The following RIMKLB variants were observed in gnomAD, a reference collection of about 807,000 sequenced individuals.
RIMKLB encodes the protein beta-citrylglutamate synthase B.
In RIMKLB, 7 loss-of-function variants were observed where a neutral mutation model predicts 32.0. The ratio of observed to expected loss-of-function variants is 0.22; its 90% CI spans 0.12 to 0.41. The LOEUF is 0.41. Among genes scored for constraint, RIMKLB ranks in the 10% least tolerant of loss-of-function variants. The probability of loss-of-function intolerance (pLI) is 1.00; values close to 1 mark genes in which losing one functional copy is unlikely to be tolerated. For missense variants in RIMKLB, 289 were observed against 498.7 expected (o/e 0.58, Z 4.00); for synonymous variants, 172 against 185.1 (o/e 0.93, Z 0.57).
chr12:8,709,987 T>G (rs1176111337), intron 1 of RIMKLB, among the ~76,000 whole-genome samples: 1 of 151,956 alleles, frequency 6.6e-6, no homozygotes. Context: ...AAAAATGTGG[T>G]TTTTGTTTTG....
In RIMKLB at chr12:8,773,475, C is replaced by T. The variant is rs1191789121; in HGVS notation, c.852C>T (p.Phe284=). Reference sequence around the variant, plus strand: ...GTGAGGCCAATGCAAATGTAGGTTTCATCGCCTTTGATAAGGCTTGTAATC... The same window carrying T: ...GTGAGGCCAATGCAAATGTAGGTTTTATCGCCTTTGATAAGGCTTGTAATC... ...CVCEANANVG[F]IAFDKACNLD... Residue 284 remains phenylalanine (F), a synonymous_variant, in exon 6 of 6, where the codon TTC becomes TTT. Coordinates refer to ENST00000535829, the MANE Select transcript of RIMKLB (RefSeq NM_001297776.2). The T allele has an allele frequency of 6.2e-7, 1 of 1,614,248 alleles. No individual in the cohort carries two copies.
At chr12:8,716,749 T>TTTTTTTG (rs1944892002) in intron 2 of RIMKLB, among the ~76,000 whole-genome samples, 1 of 140,128 alleles carries the variant, frequency 7.1e-6, no homozygotes, top group Non-Finnish European at 1.5e-5. Flanking sequence ...TTTTTTTTTT[T>TTTTTTTG]ACTTTGAGAC....
intron 1 of RIMKLB, among the ~76,000 whole-genome samples, chr12:8,683,999 C>G (rs991584475): frequency 6.6e-6 from 1 of 152,184 alleles, no homozygotes; most frequent in East Asian, 1.9e-4. Flanking sequence ...CCACCCCCCT[C>G]GGCTTCCCAA....
chr12:8,683,334 C>T (rs1942469065), intron 1 of RIMKLB, among the ~76,000 whole-genome samples: 1 of 152,096 alleles, frequency 6.6e-6, no homozygotes, highest in African/African-American at 2.4e-5. Flanking sequence ...AAGAAACCAC[C>T]AATCTGTCTT....
chr12:8,680,624 G>A (rs1270729499), upstream of RIMKLB, among the ~76,000 whole-genome samples: 3 of 152,080 alleles, frequency 2.0e-5, no homozygotes, highest in African/African-American at 4.8e-5. Flanking sequence ...TCTTTCTTGC[G>A]CGAGATCCAA....
intron 2 of RIMKLB, among the ~76,000 whole-genome samples, chr12:8,747,363 G>T (rs181705849): frequency 1.2e-3 from 177 of 152,146 alleles, no homozygotes; most frequent in African/African-American, 4.1e-3. Context: ...TTTATGCTCT[G>T]CCTTACATTT....
intron 1 of RIMKLB, among the ~76,000 whole-genome samples, chr12:8,705,653 A>C (rs965956782): frequency 4.6e-5 from 7 of 152,210 alleles, no homozygotes; most frequent in African/African-American, 1.7e-4. Flanking sequence ...TAGACTCAAT[A>C]AGATATGTTT....
intron 1 of RIMKLB, among the ~76,000 whole-genome samples, chr12:8,686,906 C>T (rs1370249633): frequency 6.6e-6 from 1 of 152,190 alleles, no homozygotes; most frequent in African/African-American, 2.4e-5. Context: ...CGATTATGAA[C>T]TTTAGTGCAT....
chr12:8,723,044 G>A (rs1945619850), intron 2 of RIMKLB, among the ~76,000 whole-genome samples: 1 of 152,214 alleles, frequency 6.6e-6, no homozygotes, highest in Admixed American at 6.5e-5. Flanking sequence ...GTTCACTGGA[G>A]TAGCACTTTT....
At chr12:8,726,425 TTG>T (rs1047888826) in intron 2 of RIMKLB, among the ~76,000 whole-genome samples, 4 of 152,224 alleles carry the variant, frequency 2.6e-5, no homozygotes, top group African/African-American at 9.6e-5. Flanking sequence ...TAAGATCCCT[TTG>T]TATATTTTAC....
chr12:8,748,417 G>GA (rs751182724), intron 2 of RIMKLB, among the ~76,000 whole-genome samples: 2 of 149,910 alleles, frequency 1.3e-5, no homozygotes, highest in Admixed American at 1.3e-4. Flanking sequence ...GTGTGTATAG[G>GA]AAAAAAAACA....
At chr12:8,772,865 C>T (rs912002331) in intron 5 of RIMKLB, among the ~76,000 whole-genome samples, 13 of 152,172 alleles carry the variant, frequency 8.5e-5, no homozygotes, top group Non-Finnish European at 1.5e-4. Context: ...AACCCAGAAG[C>T]CTTTTGGTTT....
chr12:8,682,602 C>T (rs1001669588), intron 1 of RIMKLB, among the ~76,000 whole-genome samples: 7 of 151,732 alleles, frequency 4.6e-5, no homozygotes, highest in African/African-American at 1.7e-4. Flanking sequence ...GAAACCCTGA[C>T]TCTACTAAGA....
intron 5 of RIMKLB, among the ~76,000 whole-genome samples, chr12:8,756,684 C>CTTTTTTTTTTTTTTTT (rs145312687): frequency 3.3e-5 from 3 of 90,980 alleles, no homozygotes; most frequent in Admixed American, 1.4e-4. Flanking sequence ...TTACTTTCTA[C>CTTTTTTTTTTTTTTTT]TTTTTTTTTT....
intron 5 of RIMKLB, 45 bp downstream of exon 5, chr12:8,754,138 A>G (rs1485510427): frequency 2.1e-6 from 3 of 1,425,344 alleles, no homozygotes; most frequent in South Asian, 1.1e-5. Context: ...AGTAACATTT[A>G]TAATTGTCCA....
chr12:8,675,897 C>A, the RIMKLB span, among the ~76,000 whole-genome samples: 2,446 of 151,412 alleles, frequency 0.016, 65 homozygotes, highest in African/African-American at 0.055. Context: ...TAACAAAGGT[C>A]ATTAATTAAG....
chr12:8,695,302 A>C (rs191779222), upstream of RIMKLB, among the ~76,000 whole-genome samples: 1 of 151,474 alleles, frequency 6.6e-6, no homozygotes, highest in African/African-American at 2.4e-5. Flanking sequence ...ACTACTTAAA[A>C]TATTTTTGAG....
chr12:8,694,333 C>T (rs1212846547), upstream of RIMKLB, among the ~76,000 whole-genome samples: 3 of 151,872 alleles, frequency 2.0e-5, no homozygotes, highest in Non-Finnish European at 4.4e-5. Context: ...TTGTCTCAGC[C>T]TCCCAAACTG....
chr12:8,726,316 C>T (rs1423729591), intron 2 of RIMKLB, among the ~76,000 whole-genome samples: 1 of 152,308 alleles, frequency 6.6e-6, no homozygotes, highest in Admixed American at 6.5e-5. Context: ...AGCACTTTTT[C>T]GTATACTTAT....
Sources: gnomAD v4.1 joint callset for allele counts (sites outside exome capture counted in the v4.1 genomes callset) on GRCh38, gnomAD v4.1.1 for gene constraint, MANE v1.5 for transcripts, NCBI Gene and HGNC (gene_info 2026-07-23, HGNC 2026-07-21) for gene names.